The following SEMA5A variants were observed in gnomAD, a reference collection of about 807,000 sequenced individuals.
SEMA5A encodes semaphorin-5A.
SEMA5A carries 55 observed loss-of-function variants against 135.5 expected under a neutral mutation model. The observed-to-expected ratio is 0.41, with a 90% confidence interval of 0.33 to 0.51. The LOEUF (loss-of-function observed/expected upper bound fraction) is 0.51, where lower values mean the gene tolerates loss of function less well. Among genes scored for constraint, SEMA5A ranks in the 20% least tolerant of loss-of-function variants. The probability of loss-of-function intolerance (pLI) is 0.37; values close to 1 mark genes in which losing one functional copy is unlikely to be tolerated. For synonymous variants in SEMA5A, 580 were observed against 546.5 expected, an observed-to-expected ratio of 1.06 and a Z score of -0.85; for missense variants, 1,290 against 1,419.9, an observed-to-expected ratio of 0.91 and a Z score of 1.47.
At chr5:9,174,317 C>T (rs1579541377) in intron 11 of SEMA5A, among the ~76,000 whole-genome samples, 1 of 152,190 alleles carries the variant, frequency 6.6e-6, no homozygotes, top group Non-Finnish European at 1.5e-5. Flanking sequence ...GACAGTTGCA[C>T]CTTACTTCCT....
intron 16 of SEMA5A, among the ~76,000 whole-genome samples, chr5:9,094,257 A>G (rs1739200413): frequency 1.3e-5 from 2 of 152,296 alleles, no homozygotes; most frequent in South Asian, 4.1e-4. Context: ...TACCACAGAC[A>G]TGAATCAGTC....
At chr5:9,442,851 G>A (rs1019350715) in intron 1 of SEMA5A, among the ~76,000 whole-genome samples, 2 of 152,132 alleles carry the variant, frequency 1.3e-5, no homozygotes, top group Admixed American at 6.5e-5. Context: ...TACTTACTGA[G>A]GAATGAATGT....
intron 18 of SEMA5A, among the ~76,000 whole-genome samples, chr5:9,056,497 G>T (rs191427278): frequency 1.2e-4 from 19 of 152,252 alleles, no homozygotes; most frequent in Admixed American, 5.2e-4. Flanking sequence ...CAAGACAGGC[G>T]GATCACCTGA....
chr5:9,205,708 T>C (rs1745976073), intron 8 of SEMA5A, among the ~76,000 whole-genome samples: 1 of 152,246 alleles, frequency 6.6e-6, no homozygotes, highest in African/African-American at 2.4e-5. Context: ...GTATTCAGTG[T>C]GTAGTGAGTG....
At chr5:9,141,319 G>A (rs1163692507) in intron 12 of SEMA5A, among the ~76,000 whole-genome samples, 1 of 152,070 alleles carries the variant, frequency 6.6e-6, no homozygotes, top group Non-Finnish European at 1.5e-5. Flanking sequence ...GTTTTTCCTT[G>A]TGTGGTAAAT....
intron 5 of SEMA5A, among the ~76,000 whole-genome samples, chr5:9,309,792 A>G (rs1391938361): frequency 6.6e-6 from 1 of 152,216 alleles, no homozygotes; most frequent in African/African-American, 2.4e-5. Flanking sequence ...AAATATACAT[A>G]ATCAACTATA....
intron 1 of SEMA5A, among the ~76,000 whole-genome samples, chr5:9,514,276 A>C (rs1297831374): frequency 2.0e-5 from 3 of 152,118 alleles, no homozygotes; most frequent in Admixed American, 2.0e-4. Context: ...ATGCAGAATA[A>C]TCTCTCACCT....
intron 3 of SEMA5A, among the ~76,000 whole-genome samples, chr5:9,378,617 G>A (rs2126472963): frequency 6.6e-6 from 1 of 152,334 alleles, no homozygotes; most frequent in African/African-American, 2.4e-5. Context: ...CAGACTGTGG[G>A]AAACTGTCCA....
chr5:9,244,254 C>T (rs776657328), intron 5 of SEMA5A, among the ~76,000 whole-genome samples: 2 of 152,196 alleles, frequency 1.3e-5, no homozygotes, highest in Admixed American at 6.5e-5. Flanking sequence ...TTAAGCCCTA[C>T]CGGGGCTTCC....
At chr5:9,296,707 G>C (rs932743169) in intron 5 of SEMA5A, among the ~76,000 whole-genome samples, 3 of 152,034 alleles carry the variant, frequency 2.0e-5, no homozygotes, top group Admixed American at 2.0e-4. Flanking sequence ...TCAGAAAGCA[G>C]GCCGGTCAAA....
chr5:9,322,521 G>T (rs1384612876), intron 4 of SEMA5A, among the ~76,000 whole-genome samples: 2 of 152,054 alleles, frequency 1.3e-5, no homozygotes, highest in African/African-American at 4.8e-5. Context: ...TCTTTTTGTA[G>T]TATTTTCTGG....
chr5:9,270,479 A>C (rs2150537293), intron 5 of SEMA5A, among the ~76,000 whole-genome samples: 1 of 152,172 alleles, frequency 6.6e-6, no homozygotes, highest in Middle Eastern at 3.4e-3. Flanking sequence ...ATGACCCAAA[A>C]CTTGAGCAAG....
intron 1 of SEMA5A, among the ~76,000 whole-genome samples, chr5:9,542,860 A>G (rs1738166822): frequency 1.3e-5 from 2 of 152,272 alleles, no homozygotes; most frequent in East Asian, 1.9e-4. Context: ...TGAGTTTTTG[A>G]TATTAGTTAA....
At chr5:9,088,342 T>C (rs57728986) in intron 16 of SEMA5A, among the ~76,000 whole-genome samples, 147 of 150,936 alleles carry the variant, frequency 9.7e-4, no homozygotes, top group African/African-American at 3.5e-3. Flanking sequence ...AGAAAGTATT[T>C]TTTTAATTTC....
chr5:9,494,403 T>A (rs138870057), intron 1 of SEMA5A, among the ~76,000 whole-genome samples: 172 of 152,340 alleles, frequency 1.1e-3, no homozygotes, highest in African/African-American at 3.9e-3. Context: ...GCTTTCCAGA[T>A]GAATTTCCAC....
chr5:9,200,890 C>G (rs1215849945), intron 9 of SEMA5A, among the ~76,000 whole-genome samples: 1 of 152,030 alleles, frequency 6.6e-6, no homozygotes, highest in African/African-American at 2.4e-5. Flanking sequence ...ATAGGGTGAC[C>G]AGTTGTCCTG....
intron 5 of SEMA5A, among the ~76,000 whole-genome samples, chr5:9,240,706 T>G (rs1748145246): frequency 6.6e-6 from 1 of 152,088 alleles, no homozygotes; most frequent in Non-Finnish European, 1.5e-5. Flanking sequence ...TCTAGATCCA[T>G]TCTAATGAAC....
chr5:9,058,909 C>G (rs1301457724), intron 18 of SEMA5A, among the ~76,000 whole-genome samples: 7 of 152,194 alleles, frequency 4.6e-5, no homozygotes, highest in East Asian at 1.9e-4. Context: ...CCTGGCTCCA[C>G]TTCAAAGTAT....
intron 12 of SEMA5A, among the ~76,000 whole-genome samples, chr5:9,137,715 C>A (rs1300743087): frequency 6.6e-6 from 1 of 152,094 alleles, no homozygotes; most frequent in Non-Finnish European, 1.5e-5. Flanking sequence ...TCTGGTAGGA[C>A]CAGAAGTCAT....
Sources: gnomAD v4.1 joint callset for allele counts (sites outside exome capture counted in the v4.1 genomes callset) on GRCh38, gnomAD v4.1.1 for gene constraint, MANE v1.5 for transcripts, NCBI Gene and HGNC (gene_info 2026-07-23, HGNC 2026-07-21) for gene names.